Variants in FOXM1 observed in about 807,000 individuals in gnomAD.
The protein encoded by FOXM1 is forkhead box M1.
Under a neutral mutation model 63.6 loss-of-function variants are expected in FOXM1, and 25 were observed. The ratio of observed to expected loss-of-function variants is 0.39; its 90% confidence interval spans 0.29 to 0.55. The LOEUF is 0.55. Among genes scored for constraint, FOXM1 ranks in the 20% least tolerant of loss-of-function variants. FOXM1 has a pLI of 0.60. For synonymous variants in FOXM1, 387 were observed against 376.9 expected (o/e 1.03, Z -0.31); for missense variants, 879 against 958.7 (o/e 0.92, Z 1.10).
intron 3 of FOXM1, among the ~76,000 whole-genome samples, chr12:2,871,076 C>T (rs544624586): frequency 2.0e-5 from 3 of 149,896 alleles, no homozygotes; most frequent in African/African-American, 7.4e-5. Context: ...GAGGGGGAGA[C>T]AGAAAAACTA....
chr12:2,867,235 CAGG>C (rs1467324174), intron 4 of FOXM1, among the ~76,000 whole-genome samples: 3 of 151,878 alleles, frequency 2.0e-5, no homozygotes, highest in Admixed American at 2.0e-4. Flanking sequence ...GAGGCTAAGG[CAGG>C]AGGAGTGCTT....
chr12:2,867,151 TCAAA>T (rs1005289884), intron 4 of FOXM1, among the ~76,000 whole-genome samples: 11 of 151,762 alleles, frequency 7.2e-5, no homozygotes, highest in African/African-American at 2.4e-4. Context: ...AGGCCCCGTC[TCAAA>T]CAAACAAACA....
chr12:2,875,712 T>A (rs2087596242), intron 1 of FOXM1, among the ~76,000 whole-genome samples: 1 of 151,078 alleles, frequency 6.6e-6, no homozygotes, highest in Non-Finnish European at 1.5e-5. Context: ...GGTTCTGAAA[T>A]GCTAACAGTG....
chr12:2,874,084 T>C lies in FOXM1; in HGVS notation c.395A>G (p.Lys132Arg), dbSNP rs2098137848. 2 of 1,614,044 alleles carry C rather than the reference T, an allele frequency of 1.2e-6. No homozygotes were observed. The highest frequency in any genetic ancestry group is 1.7e-6 in the Non-Finnish European group (2 of 1,180,032). Residue 132 changes from lysine to arginine, a missense_variant, in exon 2 of 9, where the codon AAA becomes AGA. Transcript: ENST00000359843. The surrounding 1 kb of genome is among the most constrained non-coding windows in gnomAD (Gnocchi z 4.3). Reference sequence around the variant, plus strand: ...GGTCTCCAGGGTCACTTCTGTCCTTTTGGCATCATAGCTGGTTTGGGTTTG... The same window carrying C: ...GGTCTCCAGGGTCACTTCTGTCCTTCTGGCATCATAGCTGGTTTGGGTTTG... ...RPQTQTSYDA[K>R]RTEVTLETLG... is the part of the protein sequence containing the mutation.
In FOXM1 at chr12:2,858,698, G is replaced by T; in HGVS notation, c.2232C>A (p.Asp744Glu). 1 of 1,614,140 alleles carries T rather than the reference G, an allele frequency of 6.2e-7. No homozygotes were observed. Among genetic ancestry groups the T allele is most frequent in the Admixed American group, 1.7e-5 (1 of 60,016 alleles). ...TGTTGTCAGGGCCCAGTGGGTCCTCGTCCAGGCCAGGAAAGCTGATGTCCA... is the reference window on the plus strand; with the variant it reads ...TGTTGTCAGGGCCCAGTGGGTCCTCTTCCAGGCCAGGAAAGCTGATGTCCA... ...ILLDISFPGL[D>E]EDPLGPDNIN... Residue 744 changes from aspartate to glutamate, a missense_variant, in exon 9 of 9, where the codon GAC becomes GAA. This residue lies in a region of FOXM1 where 486 missense variants were observed against 453.5 expected (regional missense o/e 1.07). Coordinates refer to ENST00000359843, the MANE Select transcript of FOXM1 (RefSeq NM_021953.4).
intron 3 of FOXM1, among the ~76,000 whole-genome samples, chr12:2,870,626 G>A (rs1164396593): frequency 6.7e-6 from 1 of 150,088 alleles, no homozygotes; most frequent in Non-Finnish European, 1.5e-5. Context: ...TTGTGCCACT[G>A]CACTCCAGCC....
chr12:2,860,223 T>G (rs2098108133), intron 8 of FOXM1, among the ~76,000 whole-genome samples: 1 of 152,120 alleles, frequency 6.6e-6, no homozygotes, highest in South Asian at 2.1e-4. Flanking sequence ...TAAACAAAGT[T>G]AAGAAACAAC....
Position 2,859,696 on chromosome 12 carries a change from G to A in FOXM1, c.1267-33C>T, listed in dbSNP as rs538516824. On this transcript the variant is annotated intron_variant, in intron 8 of 8. Transcript: ENST00000359843. The stretch of plus-strand genomic sequence containing the variant: ...GGAAACAGAGATAAGGTGAACCAAC[G>A]GTCACCAGACAGGACGCACAAAAAT... The A allele has an allele frequency of 1.8e-5, 28 of 1,539,256 alleles. 1 individual carries two copies. The highest frequency in any genetic ancestry group is 1.5e-4 in the South Asian group (13 of 85,080).
At chr12:2,859,834 C>G (rs572975970) in intron 8 of FOXM1, 171 bp from the exon 9 acceptor site, 4 of 599,916 alleles carry the variant, frequency 6.7e-6, no homozygotes, top group South Asian at 6.2e-5. Context: ...GTAAAAGATG[C>G]GGGTATGTAG....
Position 2,858,797 on chromosome 12 carries a change from GCCAGAAACC to G in FOXM1, c.2124_2132del (p.Gln708_Gly711delinsHis). 2 of 1,614,214 alleles carry G rather than the reference GCCAGAAACC, an allele frequency of 1.2e-6. No individual in the cohort carries two copies. The highest frequency in any genetic ancestry group is 1.7e-6 in the Non-Finnish European group (2 of 1,180,040). ...CTGTCAGAGAACGATTGGCTGCAAG[GCCAGAAACC>G]TGTGGCTCCGGGGAGCCTGGCTTGG... On this transcript the variant is annotated inframe_deletion, in exon 9 of 9. Transcript: ENST00000359843.
At chr12:2,873,404 A>G (rs2098136564) in intron 2 of FOXM1, among the ~76,000 whole-genome samples, 1 of 150,454 alleles carries the variant, frequency 6.6e-6, no homozygotes, top group Non-Finnish European at 1.5e-5. Context: ...ATCTCAAAAA[A>G]AAAAAAAAAA....
intron 8 of FOXM1, chr12:2,861,184 A>T: frequency 3.5e-6 from 2 of 567,946 alleles, no homozygotes; most frequent in Non-Finnish European, 6.2e-6. Flanking sequence ...AAAAAAAAAG[A>T]GCTCTCACAA....
At chr12:2,870,667 GA>G (rs970096827) in intron 3 of FOXM1, among the ~76,000 whole-genome samples, 10 of 138,754 alleles carry the variant, frequency 7.2e-5, no homozygotes, top group South Asian at 4.7e-4. Flanking sequence ...GTCTCAAAAA[GA>G]AAAAAAAAGA....
At chr12:2,866,676 A>G (rs190384526) in intron 4 of FOXM1, among the ~76,000 whole-genome samples, 155 bp from the exon 5 acceptor site, 2 of 152,118 alleles carry the variant, frequency 1.3e-5, no homozygotes, top group Non-Finnish European at 2.9e-5. Context: ...CTCTCCTGAC[A>G]CTCCACACCG....
At chr12:2,871,858 C>A (rs2098133775) in intron 3 of FOXM1, among the ~76,000 whole-genome samples, 1 of 152,054 alleles carries the variant, frequency 6.6e-6, no homozygotes, top group South Asian at 2.1e-4. Flanking sequence ...AATACTAAAC[C>A]CAGTGCTGGC....
At chr12:2,866,622 C>T (rs778495642) in intron 4 of FOXM1, 101 bp from the exon 5 acceptor site, 30 of 1,290,018 alleles carry the variant, frequency 2.3e-5, no homozygotes, top group Non-Finnish European at 3.0e-5. Flanking sequence ...TCCCACTGTG[C>T]TCAGCACAGG....
rs1315667351 is a variant in FOXM1, at chr12:2,859,553, G to T, written c.1377C>A (p.Ile459=). Residue 459 remains isoleucine (I), a synonymous_variant, in exon 9 of 9, where the codon ATC becomes ATA. Coordinates refer to ENST00000359843, the MANE Select transcript of FOXM1 (RefSeq NM_021953.4). ...CCCCAGGCTGGATTTCTTCCTCCTT[G>T]ATAGTCTGAACTGGAAGCAAAGGAG... is the stretch of plus-strand genomic sequence containing the variant. ...GFSPLLPVQT[I]KEEEIQPGEE... 1.9e-6 allele frequency: 3 copies of T among 1,613,894 alleles called. No homozygotes were observed. In the African/African-American group the frequency reaches 4.0e-5, roughly 22 times the overall value.
In FOXM1 at chr12:2,875,782, C is replaced by G. The variant is rs1355713315; in HGVS notation, c.-48+1138G>C. On this transcript the variant is annotated intron_variant, in intron 1 of 8. Coordinates refer to ENST00000359843, the MANE Select transcript of FOXM1 (RefSeq NM_021953.4). ...TTTAATTTTTTTTTTTTTTTTGAGA[C>G]GGAGCTTCGCTCTTGTCACCCAGGC... Among the ~76,000 whole-genome samples, 3 of 130,250 alleles carry G rather than the reference C, an allele frequency of 2.3e-5. No homozygotes were observed. The South Asian group carries it at 6.9e-4, about 30-fold the overall frequency. The allele number at this position is 130,250 out of a possible 152,430, so 85.4% of individuals were successfully genotyped here.
Position 2,872,048 on chromosome 12 carries a change from T to C in FOXM1, c.654+48A>G, listed in dbSNP as rs753294420. The stretch of plus-strand genomic sequence containing the variant: ...CTTGATCCATTTCCCTACCTAGGAA[T>C]TCCCTACACTGGATCTGATTTCTTT... On this transcript the variant is annotated intron_variant, in intron 3 of 8. Coordinates refer to ENST00000359843, the MANE Select transcript of FOXM1 (RefSeq NM_021953.4). This position sits in a 1 kb window ranked among gnomAD's most constrained non-coding sequence, Gnocchi z 4.0. The C allele has an allele frequency of 1.4e-4, 218 of 1,604,394 alleles. 1 individual carries two copies. Among genetic ancestry groups the C allele is most frequent in the Admixed American group, 2.2e-4 (13 of 59,964 alleles).
Sources: allele counts gnomAD v4.1 joint callset (sites outside exome capture counted in the v4.1 genomes callset), GRCh38; gene constraint gnomAD v4.1.1; regional missense constraint gnomAD v4.1.1; non-coding constraint Gnocchi (gnomAD v3.1); transcripts MANE v1.5; gene names NCBI Gene and HGNC (gene_info 2026-07-23, HGNC 2026-07-21).